Variants in MAGI2 observed in about 807,000 individuals in gnomAD.
MAGI2 encodes the protein membrane-associated guanylate kinase, WW and PDZ domain-containing protein 2.
A neutral mutation model predicts 133.3 loss-of-function variants in MAGI2; 35 were observed. The observed-to-expected ratio is 0.26, with a 90% confidence interval of 0.20 to 0.35. The LOEUF (loss-of-function observed/expected upper bound fraction) is 0.35. MAGI2 is among the 10% of genes least tolerant of loss of function. MAGI2 has a pLI of 1.00. For missense variants in MAGI2, 1,636 were observed against 1,863.4 expected (o/e 0.88, Z 2.25); for synonymous variants, 729 against 710.6 (o/e 1.03, Z -0.41).
chr7:78,344,560 T>C (rs1404180978), intron 8 of MAGI2, among the ~76,000 whole-genome samples: 1 of 152,198 alleles, frequency 6.6e-6, no homozygotes, highest in African/African-American at 2.4e-5. Context: ...AGTACCTGTA[T>C]GTGGAACTGA....
At chr7:78,766,132 C>A (rs1563476658) in intron 2 of MAGI2, among the ~76,000 whole-genome samples, 1 of 152,176 alleles carries the variant, frequency 6.6e-6, no homozygotes, top group African/African-American at 2.4e-5. Context: ...CTGCTACAGA[C>A]CAGAGAAAGC....
chr7:78,312,004 CA>C (rs1249905642), intron 9 of MAGI2, among the ~76,000 whole-genome samples: 3 of 152,086 alleles, frequency 2.0e-5, no homozygotes, highest in Non-Finnish European at 4.4e-5. Context: ...TTCCTGACCT[CA>C]AGTGATCTGC....
intron 2 of MAGI2, among the ~76,000 whole-genome samples, chr7:78,891,266 C>T (rs910979892): frequency 7.2e-5 from 11 of 152,078 alleles, no homozygotes; most frequent in Non-Finnish European, 1.6e-4. Context: ...AGTTCAGGAC[C>T]AGACGGATTC....
At position 78,916,818 on chromosome 7, in the gene MAGI2, T is replaced by C. The variant is rs1456953426; in HGVS notation, c.418+90272A>G. Among the ~76,000 whole-genome samples the C allele has an allele frequency of 2.0e-5, 3 of 152,176 alleles. No homozygotes were observed. In the East Asian group the frequency reaches 5.8e-4, roughly 29 times the overall value. ...AGGCTCTTTTATGCCTGAGGGCTTATATGCCACACCCAAGAACCTAGACTT... is the reference window on the plus strand; with the variant it reads ...AGGCTCTTTTATGCCTGAGGGCTTACATGCCACACCCAAGAACCTAGACTT... On this transcript the variant is annotated intron_variant, in intron 2 of 21. Coordinates refer to ENST00000354212, the MANE Select transcript of MAGI2 (RefSeq NM_012301.4).
chr7:78,713,030 G>C (rs750367539), intron 2 of MAGI2, among the ~76,000 whole-genome samples: 1 of 152,074 alleles, frequency 6.6e-6, no homozygotes, highest in Non-Finnish European at 1.5e-5. Flanking sequence ...CCTTTAATCA[G>C]AAGAATTGAA....
chr7:78,034,382 C>T (rs542633002), intron 21 of MAGI2, among the ~76,000 whole-genome samples: 6 of 152,122 alleles, frequency 3.9e-5, no homozygotes, highest in Admixed American at 2.6e-4. Context: ...ACTAGCTGAT[C>T]ATAATTTTAT....
chr7:79,220,821 C>A (rs1830390387), intron 1 of MAGI2, among the ~76,000 whole-genome samples: 2 of 152,002 alleles, frequency 1.3e-5, no homozygotes. Context: ...CATAGGCATT[C>A]ACGCCCACCG....
intron 6 of MAGI2, among the ~76,000 whole-genome samples, chr7:78,440,519 T>C (rs1369128262): frequency 1.3e-5 from 2 of 152,102 alleles, no homozygotes; most frequent in Non-Finnish European, 2.9e-5. Context: ...CTATATGGAA[T>C]AAGGACAAAG....
chr7:78,533,762 G>C (rs151275061), intron 3 of MAGI2, among the ~76,000 whole-genome samples: 5 of 152,004 alleles, frequency 3.3e-5, no homozygotes, highest in Admixed American at 2.0e-4. Context: ...TCAATTCCTG[G>C]GCTAGTTCTT....
intron 1 of MAGI2, among the ~76,000 whole-genome samples, chr7:79,272,209 A>G (rs578196367): frequency 1.3e-5 from 2 of 152,248 alleles, no homozygotes; most frequent in South Asian, 4.1e-4. Flanking sequence ...ATTGTCTTGT[A>G]ATGAAATCTC....
intron 2 of MAGI2, among the ~76,000 whole-genome samples, chr7:78,815,723 C>T (rs988031508): frequency 2.0e-5 from 3 of 152,116 alleles, no homozygotes; most frequent in African/African-American, 4.8e-5. Context: ...TGGGGCATCA[C>T]GAATCTTGCT....
chr7:79,040,191 AG>A (rs927537086), intron 1 of MAGI2, among the ~76,000 whole-genome samples: 19 of 151,566 alleles, frequency 1.3e-4, no homozygotes, highest in African/African-American at 4.6e-4. Context: ...TGGTTTCATA[AG>A]GGGCCCTTCC....
At chr7:78,900,985 C>T (rs1378208771) in intron 2 of MAGI2, among the ~76,000 whole-genome samples, 2 of 152,074 alleles carry the variant, frequency 1.3e-5, no homozygotes, top group African/African-American at 4.8e-5. Flanking sequence ...CAACAGATGG[C>T]GAACCTAAAG....
At chr7:79,417,163 T>C (rs924323047) in intron 1 of MAGI2, among the ~76,000 whole-genome samples, 2 of 152,314 alleles carry the variant, frequency 1.3e-5, no homozygotes, top group South Asian at 2.1e-4. Context: ...CTTGCACAAA[T>C]AAGGCAGCTT....
At chr7:78,844,848 CTAT>C (rs1331676020) in intron 2 of MAGI2, among the ~76,000 whole-genome samples, 4 of 151,814 alleles carry the variant, frequency 2.6e-5, no homozygotes, top group African/African-American at 4.8e-5. Context: ...AAAAATCCAT[CTAT>C]TATTAATTTT....
intron 14 of MAGI2, among the ~76,000 whole-genome samples, chr7:78,175,023 A>G (rs1296802160): frequency 6.6e-6 from 1 of 152,160 alleles, no homozygotes; most frequent in African/African-American, 2.4e-5. Flanking sequence ...TATCCTGTGC[A>G]TCTCTTCTTT....
At chr7:78,889,410 T>C (rs1210299177) in intron 2 of MAGI2, among the ~76,000 whole-genome samples, 2 of 152,020 alleles carry the variant, frequency 1.3e-5, no homozygotes, top group Admixed American at 6.6e-5. Context: ...GAAGAGCAAC[T>C]CCAAGACACA....
intron 6 of MAGI2, among the ~76,000 whole-genome samples, chr7:78,396,261 T>C (rs1236558167): frequency 5.9e-5 from 9 of 152,164 alleles, no homozygotes; most frequent in African/African-American, 1.4e-4. Context: ...TCCCATGTGA[T>C]TCAGGAAAAA....
chr7:79,102,746 G>T (rs1224524059), intron 1 of MAGI2, among the ~76,000 whole-genome samples: 1 of 152,166 alleles, frequency 6.6e-6, no homozygotes, highest in Non-Finnish European at 1.5e-5. Flanking sequence ...AATTACTTTA[G>T]AAAGAAAGAG....
Sources: gnomAD v4.1 joint callset for allele counts (sites outside exome capture counted in the v4.1 genomes callset) on GRCh38, gnomAD v4.1.1 for gene constraint, MANE v1.5 for transcripts, NCBI Gene and HGNC (gene_info 2026-07-23, HGNC 2026-07-21) for gene names.